The following UVRAG variants were observed in gnomAD, a reference collection of about 807,000 sequenced individuals.
The protein encoded by UVRAG is UV radiation resistance-associated gene protein.
A neutral mutation model predicts 78.0 loss-of-function variants in UVRAG; 19 were observed. The ratio of observed to expected loss-of-function variants is 0.24; its 90% CI spans 0.17 to 0.36. The LOEUF is 0.36. Ranked by LOEUF, UVRAG falls within the 10% of genes least tolerant of loss-of-function variation. The pLI, the probability that UVRAG is intolerant of heterozygous loss-of-function variation, is 1.00. For missense variants in UVRAG, 740 were observed against 853.8 expected, an observed-to-expected ratio of 0.87 and a Z score of 1.66; for synonymous variants, 323 against 324.6, an observed-to-expected ratio of 1.00 and a Z score of 0.05.
At chr11:75,950,262 T>A (rs1948665465) in intron 6 of UVRAG, among the ~76,000 whole-genome samples, 1 of 152,200 alleles carries the variant, frequency 6.6e-6, no homozygotes, top group Non-Finnish European at 1.5e-5. Flanking sequence ...TATTTATTTA[T>A]TTATTTGATA....
At chr11:76,072,955 T>G (rs1295892426) in intron 13 of UVRAG, among the ~76,000 whole-genome samples, 1 of 152,226 alleles carries the variant, frequency 6.6e-6, no homozygotes, top group African/African-American at 2.4e-5. Context: ...CATTTTTGCC[T>G]GTTTCACTGT....
chr11:76,113,268 G>A (rs1952113560), intron 13 of UVRAG, among the ~76,000 whole-genome samples: 1 of 152,176 alleles, frequency 6.6e-6, no homozygotes, highest in South Asian at 2.1e-4. Flanking sequence ...GTGTGGGAGA[G>A]TAGAGTCAAG....
chr11:75,852,537 A>T (rs1946177425), intron 2 of UVRAG, among the ~76,000 whole-genome samples: 2 of 152,208 alleles, frequency 1.3e-5, no homozygotes, highest in African/African-American at 4.8e-5. Context: ...AATGCATATT[A>T]GATGAGAGGC....
At chr11:75,944,829 T>A (rs1321829592) in intron 6 of UVRAG, among the ~76,000 whole-genome samples, 1 of 152,152 alleles carries the variant, frequency 6.6e-6, no homozygotes, top group Non-Finnish European at 1.5e-5. Context: ...GAATATAGTC[T>A]TATACTTGAG....
At chr11:76,053,548 C>T (rs1368917102) in intron 12 of UVRAG, among the ~76,000 whole-genome samples, 1 of 152,186 alleles carries the variant, frequency 6.6e-6, no homozygotes, top group African/African-American at 2.4e-5. Flanking sequence ...ACTTCTGGAA[C>T]CCTAACCAAA....
intron 8 of UVRAG, 27 bp downstream of exon 8, chr11:75,983,540 C>T: frequency 2.0e-6 from 3 of 1,534,266 alleles, no homozygotes; most frequent in South Asian, 1.3e-5. Flanking sequence ...TACAAACAGC[C>T]TAACCTCCAC....
chr11:75,894,891 G>T (rs368834219), intron 5 of UVRAG, among the ~76,000 whole-genome samples: 62 of 150,508 alleles, frequency 4.1e-4, no homozygotes, highest in African/African-American at 1.5e-3. Flanking sequence ...AGAAAGCTTT[G>T]TCAACTTGGT....
At chr11:75,838,110 A>T (rs1194623821) in intron 1 of UVRAG, among the ~76,000 whole-genome samples, 2 of 152,182 alleles carry the variant, frequency 1.3e-5, no homozygotes, top group Non-Finnish European at 2.9e-5. Flanking sequence ...ACAAACTAAT[A>T]GTAGATCTTG....
chr11:75,892,856 C>G (rs1947245707), intron 5 of UVRAG, among the ~76,000 whole-genome samples: 1 of 152,066 alleles, frequency 6.6e-6, no homozygotes. Context: ...AAGCAAGAAG[C>G]AAGGATTGAT....
rs939373184 is a variant in UVRAG, at chr11:76,016,130, C to T, written c.1061-685C>T. ...TCTGTGGCTTTTTGAAAGCTAGATG[C>T]TTATGTCTGATTATAAGATACCTGC... On this transcript the variant is annotated intron_variant, in intron 11 of 14. Coordinates refer to ENST00000356136, the MANE Select transcript of UVRAG (RefSeq NM_003369.4). Among the ~76,000 whole-genome samples the T allele has an allele frequency of 2.6e-5, 4 of 152,132 alleles. No homozygotes were observed. In the East Asian group the frequency reaches 7.7e-4, roughly 29 times the overall value.
rs1394063010 is a variant in UVRAG at position 76,143,486 on chromosome 11, G to A, written c.*2073G>A. 2.6e-5 allele frequency among the ~76,000 whole-genome samples: 4 copies of A among 152,234 alleles called. No homozygotes were observed. The highest frequency in any genetic ancestry group is 2.1e-4 in the South Asian group (1 of 4,830). ...GATCCTGGGCTTGTGGCTTTTCACC[G>A]CACGGCGGGGAGCCCTGCTCTTGAA... On this transcript the variant is annotated 3_prime_UTR_variant, in exon 15 of 15. Transcript: ENST00000356136.
chr11:76,056,499 T>C (rs1950986990), intron 12 of UVRAG, among the ~76,000 whole-genome samples: 1 of 152,250 alleles, frequency 6.6e-6, no homozygotes, highest in Non-Finnish European at 1.5e-5. Context: ...TTGCTCCACA[T>C]CTTAAGTCTC....
chr11:76,093,556 C>G (rs1160959721), intron 13 of UVRAG, among the ~76,000 whole-genome samples: 2 of 152,100 alleles, frequency 1.3e-5, no homozygotes, highest in Admixed American at 6.5e-5. Context: ...TGTAGTTCTC[C>G]TTGAAGAGGT....
chr11:76,137,604 G>A (rs1320900494), intron 14 of UVRAG: 2 of 376,450 alleles, frequency 5.3e-6, no homozygotes, highest in African/African-American at 2.1e-5. Flanking sequence ...CCATTCTTAA[G>A]AGAGACCATT....
intron 1 of UVRAG, among the ~76,000 whole-genome samples, chr11:75,816,932 A>G (rs539817848): frequency 1.3e-5 from 2 of 152,366 alleles, no homozygotes; most frequent in East Asian, 3.9e-4. Flanking sequence ...GGCAGGCAGA[A>G]GAGCTTACAG....
chr11:76,061,538 C>A (rs1367863403), intron 12 of UVRAG, among the ~76,000 whole-genome samples: 1 of 152,160 alleles, frequency 6.6e-6, no homozygotes, highest in East Asian at 1.9e-4. Flanking sequence ...CGAAGGTCTG[C>A]AGCTTCACTC....
At chr11:75,866,783 T>C (rs898980852) in intron 3 of UVRAG, among the ~76,000 whole-genome samples, 4 of 152,228 alleles carry the variant, frequency 2.6e-5, no homozygotes, top group Non-Finnish European at 5.9e-5. Flanking sequence ...ATGTTTAGTA[T>C]GTCATATATG....
intron 12 of UVRAG, among the ~76,000 whole-genome samples, chr11:76,027,946 A>C (rs1220867058): frequency 6.6e-6 from 1 of 152,078 alleles, no homozygotes; most frequent in Non-Finnish European, 1.5e-5. Context: ...GTTTACAGGC[A>C]TACCTCATTT....
chr11:75,853,984 G>A (rs1253332145), intron 2 of UVRAG, among the ~76,000 whole-genome samples: 1 of 151,674 alleles, frequency 6.6e-6, no homozygotes, highest in African/African-American at 2.4e-5. Flanking sequence ...TGTTGGCCAG[G>A]CTGGTCTTGA....
Sources: allele counts gnomAD v4.1 joint callset (sites outside exome capture counted in the v4.1 genomes callset), GRCh38; gene constraint gnomAD v4.1.1; transcripts MANE v1.5; gene names NCBI Gene and HGNC (gene_info 2026-07-23, HGNC 2026-07-21).